The following PARP15 variants were observed in gnomAD, a reference collection of about 807,000 sequenced individuals.
PARP15 encodes the protein protein mono-ADP-ribosyltransferase PARP15.
Under a neutral mutation model 62.1 loss-of-function variants are expected in PARP15, and 50 were observed. The observed-to-expected ratio is 0.81, with a 90% CI of 0.64 to 1.02. The LOEUF is 1.02. Among genes scored for constraint, PARP15 ranks in the 50% least tolerant of loss-of-function variants. The pLI is 0.00. For synonymous variants in PARP15, 309 were observed against 293.1 expected (o/e 1.05, Z -0.55); for missense variants, 820 against 826.5 (o/e 0.99, Z 0.10).
Position 122,635,030 on chromosome 3 carries a change from T to C in PARP15, c.1583T>C (p.Ile528Thr). The change falls in exon 11 of 12, where the codon ATA becomes ACA. Residue 528 changes from isoleucine to threonine, a missense_variant. Physicochemically the swap from Ile to Thr is moderately conservative, Grantham distance 89. Coordinates refer to ENST00000464300, the MANE Select transcript of PARP15 (RefSeq NM_001113523.3). ...SSYAIEKIER[I>T]QNAFLWQSYQ... ...TTTTGTTACCTGCAGATTGAGAGGA[T>C]ACAGAATGCATTTCTCTGGCAGAGC... The C allele has an allele frequency of 6.2e-7, 1 of 1,613,942 alleles. No homozygotes were observed. Among genetic ancestry groups the C allele is most frequent in the South Asian group, 1.1e-5 (1 of 91,056 alleles).
chr3:122,630,225 G>A (rs765516187), intron 9 of PARP15, among the ~76,000 whole-genome samples: 5 of 152,184 alleles, frequency 3.3e-5, no homozygotes, highest in Non-Finnish European at 7.3e-5. Flanking sequence ...TGCTGGGTGA[G>A]TATTCCTGGG....
intron 1 of PARP15, among the ~76,000 whole-genome samples, chr3:122,583,217 T>G (rs1576471134): frequency 6.9e-6 from 1 of 144,948 alleles, no homozygotes; most frequent in Non-Finnish European, 1.5e-5. Context: ...GTCTCCCAGG[T>G]TCAAGCAATT....
chr3:122,603,952 G>C (rs943848828), intron 1 of PARP15, among the ~76,000 whole-genome samples: 10 of 152,224 alleles, frequency 6.6e-5, no homozygotes, highest in African/African-American at 2.2e-4. Flanking sequence ...AATGATAATT[G>C]TTGCCTGGAG....
chr3:122,582,650 T>C (rs1432555701), intron 1 of PARP15, among the ~76,000 whole-genome samples: 1 of 152,238 alleles, frequency 6.6e-6, no homozygotes, highest in Non-Finnish European at 1.5e-5. Context: ...ATCAAGTAGA[T>C]GTGTCTAGGT....
chr3:122,623,388 C>T (rs1234700966), intron 8 of PARP15, among the ~76,000 whole-genome samples: 2 of 152,146 alleles, frequency 1.3e-5, no homozygotes, highest in Admixed American at 1.3e-4. Context: ...ATACCCAATG[C>T]AGAGGTCACA....
At chr3:122,601,418 A>G (rs796622937) in intron 1 of PARP15, among the ~76,000 whole-genome samples, 13 of 152,252 alleles carry the variant, frequency 8.5e-5, no homozygotes, top group African/African-American at 3.1e-4. Context: ...CCACCTATTC[A>G]TCCCTCCCTC....
chr3:122,584,827 C>T (rs915943875), intron 1 of PARP15, among the ~76,000 whole-genome samples: 9 of 152,094 alleles, frequency 5.9e-5, no homozygotes, highest in African/African-American at 9.7e-5. Flanking sequence ...ATCCACCCGC[C>T]GTGGCCTCCC....
intron 4 of PARP15, chr3:122,615,468 A>T (rs1196385832): frequency 8.1e-7 from 1 of 1,227,874 alleles, no homozygotes; most frequent in African/African-American, 1.5e-5. Context: ...TGGGGCTTCA[A>T]AAGAGGAGGG....
rs767473809 is a variant in PARP15 at position 122,626,814 on chromosome 3, A to C, written c.1232-13A>C. 1 of 1,582,266 alleles carries C rather than the reference A, an allele frequency of 6.3e-7. No homozygotes were observed. The highest frequency in any genetic ancestry group is 1.4e-5 in the African/African-American group (1 of 73,330). On this transcript the variant is annotated splice_polypyrimidine_tract_variant and intron_variant, in intron 8 of 11. Coordinates refer to ENST00000464300, the MANE Select transcript of PARP15 (RefSeq NM_001113523.3). ...TCGGGGGAAACTTCTTTGTCATTAA[A>C]TTTTTTTTTCAGGAAATGCCGGAAA... is the stretch of plus-strand genomic sequence containing the variant.
chr3:122,633,963 G>A (rs992546566), intron 10 of PARP15, among the ~76,000 whole-genome samples: 1 of 152,156 alleles, frequency 6.6e-6, no homozygotes, highest in Non-Finnish European at 1.5e-5. Flanking sequence ...GACCCTCCAG[G>A]CTTCCTGGAA....
rs1439135686 is a variant in PARP15 at position 122,637,841 on chromosome 3, C to T, written c.*1741C>T. ...TACTTTAAGTTTTAGGGTACATGTG[C>T]ACAATGTGCAGTTTAGTTACATATG... On this transcript the variant is annotated 3_prime_UTR_variant, in exon 12 of 12. Transcript: ENST00000464300. The T allele has an allele frequency of 6.6e-6, 1 of 152,024 alleles. No homozygotes were observed. The highest frequency in any genetic ancestry group is 6.6e-5 in the Admixed American group (1 of 15,250). 9.4% of individuals were successfully genotyped at this position (152,024 alleles called of 1,614,324 possible). A position where few individuals can be genotyped will look rare whatever the true frequency, so the allele number is the denominator to read the frequency against.
chr3:122,622,327 T>A (rs1936403139), intron 8 of PARP15, among the ~76,000 whole-genome samples: 1 of 152,182 alleles, frequency 6.6e-6, no homozygotes, highest in South Asian at 2.1e-4. Flanking sequence ...CTCATGATCC[T>A]CTCTTGAAAA....
At chr3:122,608,360 C>G (rs550089231) in intron 2 of PARP15, among the ~76,000 whole-genome samples, 84 of 151,874 alleles carry the variant, frequency 5.5e-4, no homozygotes, top group African/African-American at 1.8e-3. Context: ...GGATTATAGG[C>G]GCCCACCACC....
At chr3:122,582,698 T>C (rs995149918) in intron 1 of PARP15, among the ~76,000 whole-genome samples, 3 of 152,226 alleles carry the variant, frequency 2.0e-5, no homozygotes, top group Non-Finnish European at 4.4e-5. Flanking sequence ...TCTTGGTTTA[T>C]AGTTTTCATC....
intron 1 of PARP15, among the ~76,000 whole-genome samples, chr3:122,586,536 G>A (rs1349768787): frequency 6.6e-6 from 1 of 152,078 alleles, no homozygotes; most frequent in Non-Finnish European, 1.5e-5. Flanking sequence ...GAGAGATTAA[G>A]GCTTATTTCT....
intron 1 of PARP15, among the ~76,000 whole-genome samples, chr3:122,595,824 C>A (rs71329285): frequency 6.6e-6 from 1 of 152,096 alleles, no homozygotes; most frequent in Non-Finnish European, 1.5e-5. Flanking sequence ...TGAGCCACCA[C>A]GCTGGCTTGG....
intron 7 of PARP15, among the ~76,000 whole-genome samples, chr3:122,620,660 C>T (rs1400126609): frequency 7.3e-6 from 1 of 137,018 alleles, no homozygotes; most frequent in East Asian, 2.5e-4. Flanking sequence ...CTCGCTGTGC[C>T]TGGGAGGCAG....
chr3:122,638,298 C>T lies in PARP15; in HGVS notation c.*2198C>T, dbSNP rs1177411288. On this transcript the variant is annotated 3_prime_UTR_variant, in exon 12 of 12. Transcript: ENST00000464300. ...TCTTTACAGCAGCATGATTTATAAT[C>T]CTTTGGGTATATACCCAGTAATGGG... is the stretch of plus-strand genomic sequence containing the variant. 2 of 152,052 alleles carry T rather than the reference C, an allele frequency of 1.3e-5. No homozygotes were observed. The highest frequency in any genetic ancestry group is 2.9e-5 in the Non-Finnish European group (2 of 68,032). 9.4% of individuals were successfully genotyped at this position (152,052 alleles called of 1,614,324 possible).
rs368678964 is a variant in PARP15 at position 122,613,205 on chromosome 3, G to A, written c.708G>A (p.Pro236=). The change falls in exon 4 of 12, where the codon CCG becomes CCA. Residue 236 remains proline, a synonymous_variant. Transcript: ENST00000464300. ...TCGAATACAGTAGCAGCACAAGGCC[G>A]ATAACTAGCCCTTTACAAGAAGTCC... ...EVFEYSSSTR[P]ITSPLQEVHF... is the part of the protein sequence containing the mutation. The A allele has an allele frequency of 3.6e-5, 56 of 1,551,812 alleles. No individual in the cohort carries two copies. In the African/African-American group the frequency reaches 4.5e-4, roughly 12 times the overall value.
Sources: gnomAD v4.1 joint callset for allele counts (sites outside exome capture counted in the v4.1 genomes callset) on GRCh38, gnomAD v4.1.1 for gene constraint, MANE v1.5 for transcripts, NCBI Gene and HGNC (gene_info 2026-07-23, HGNC 2026-07-21) for gene names.